Variants in CNTNAP2 observed in about 807,000 individuals in gnomAD.
The protein encoded by CNTNAP2 is contactin associated protein 2.
A neutral mutation model predicts 155.2 loss-of-function variants in CNTNAP2; 98 were observed. That is an observed-to-expected ratio of 0.63 (90% CI 0.54 to 0.75). The LOEUF (loss-of-function observed/expected upper bound fraction) is 0.75. Among genes scored for constraint, CNTNAP2 ranks in the 30% least tolerant of loss-of-function variants. The pLI is 0.00. For missense variants in CNTNAP2, 1,727 were observed against 1,688.1 expected (o/e 1.02, Z -0.40); for synonymous variants, 651 against 631.2 (o/e 1.03, Z -0.47).
intron 1 of CNTNAP2, among the ~76,000 whole-genome samples, chr7:146,716,459 A>T (rs79951131): frequency 0.023 from 3,470 of 152,268 alleles, 147 homozygotes; most frequent in African/African-American, 0.079. Flanking sequence ...AATTGTCCCC[A>T]AAGTGTTTCT....
chr7:148,018,804 A>G (rs4726909), intron 15 of CNTNAP2, among the ~76,000 whole-genome samples: 57,986 of 152,132 alleles, frequency 0.38, 11,804 homozygotes, highest in African/African-American at 0.54. Flanking sequence ...GCATCAAACA[A>G]TGTCACAGGC....
chr7:147,384,402 T>C (rs1796593454), intron 9 of CNTNAP2, among the ~76,000 whole-genome samples: 1 of 152,100 alleles, frequency 6.6e-6, no homozygotes, highest in Admixed American at 6.6e-5. Context: ...ATTTTTAGGG[T>C]TAGGGATCTC....
chr7:147,288,125 CTTG>C (rs909003900), intron 8 of CNTNAP2, among the ~76,000 whole-genome samples: 6 of 152,182 alleles, frequency 3.9e-5, no homozygotes, highest in African/African-American at 1.2e-4. Context: ...TGGCTGACCT[CTTG>C]TTGTCCTTCA....
At chr7:146,970,084 A>T (rs1345261600) in intron 3 of CNTNAP2, among the ~76,000 whole-genome samples, 2 of 152,104 alleles carry the variant, frequency 1.3e-5, no homozygotes, top group Non-Finnish European at 2.9e-5. Context: ...GACTTAAACA[A>T]TAGACCTAAA....
intron 1 of CNTNAP2, among the ~76,000 whole-genome samples, chr7:146,767,569 G>A (rs1802219381): frequency 6.6e-6 from 1 of 152,088 alleles, no homozygotes; most frequent in Admixed American, 6.6e-5. Context: ...ATTTTCAATA[G>A]CAAAGAGTAG....
chr7:147,500,188 T>A (rs1359208817), intron 11 of CNTNAP2, among the ~76,000 whole-genome samples: 1 of 152,134 alleles, frequency 6.6e-6, no homozygotes, highest in Non-Finnish European at 1.5e-5. Flanking sequence ...CACTGACATT[T>A]ACTCTTTTAT....
intron 3 of CNTNAP2, among the ~76,000 whole-genome samples, chr7:146,993,121 C>T (rs1026314314): frequency 2.2e-4 from 33 of 152,066 alleles, no homozygotes; most frequent in Non-Finnish European, 1.3e-4. Context: ...AAAGCTTTAG[C>T]GAAGGAATGA....
chr7:147,003,263 G>C (rs1200677192), intron 3 of CNTNAP2, among the ~76,000 whole-genome samples: 1 of 151,840 alleles, frequency 6.6e-6, no homozygotes, highest in African/African-American at 2.4e-5. Flanking sequence ...ATTGCAAGTA[G>C]ATTACATTAT....
In CNTNAP2 at chr7:146,636,423, C is replaced by T. The variant is rs147138452; in HGVS notation, c.98-137848C>T. Among the ~76,000 whole-genome samples, 4 of 152,098 alleles carry T rather than the reference C, an allele frequency of 2.6e-5. No individual in the cohort carries two copies. The East Asian group carries it at 7.7e-4, about 29-fold the overall frequency. ...TCAGGAGGTGTTACTAGAAAAAAAG[C>T]CCAGTTTCTCCTTATCTAAAAAAAT... is the stretch of plus-strand genomic sequence containing the variant. On this transcript the variant is annotated intron_variant, in intron 1 of 23. Coordinates refer to ENST00000361727, the MANE Select transcript of CNTNAP2 (RefSeq NM_014141.6).
intron 11 of CNTNAP2, among the ~76,000 whole-genome samples, chr7:147,521,506 A>C (rs971201962): frequency 5.3e-5 from 8 of 152,210 alleles, no homozygotes; most frequent in African/African-American, 1.9e-4. Context: ...ATTCCGTGGA[A>C]GTCTCCCCTG....
intron 13 of CNTNAP2, among the ~76,000 whole-genome samples, chr7:147,780,525 T>G (rs973590716): frequency 2.0e-5 from 3 of 152,190 alleles, no homozygotes; most frequent in Non-Finnish European, 4.4e-5. Context: ...AAGTTTCCCA[T>G]CTGCTGGTCC....
At chr7:147,594,120 T>G (rs1474428574) in intron 12 of CNTNAP2, among the ~76,000 whole-genome samples, 1 of 131,800 alleles carries the variant, frequency 7.6e-6, no homozygotes, top group Non-Finnish European at 1.6e-5. Flanking sequence ...CACCCTCTGG[T>G]GTCTCTTTTT....
At chr7:147,801,936 G>A (rs1352620463) in intron 13 of CNTNAP2, among the ~76,000 whole-genome samples, 11 of 149,380 alleles carry the variant, frequency 7.4e-5, no homozygotes, top group Non-Finnish European at 1.2e-4. Flanking sequence ...TGGACGGGGC[G>A]GCTGGCCGGG....
At chr7:147,317,516 A>G (rs1795253477) in intron 9 of CNTNAP2, among the ~76,000 whole-genome samples, 1 of 152,192 alleles carries the variant, frequency 6.6e-6, no homozygotes, top group Non-Finnish European at 1.5e-5. Context: ...CCTTTGTCAC[A>G]GGGATCCTAC....
intron 11 of CNTNAP2, among the ~76,000 whole-genome samples, chr7:147,546,510 C>T (rs1799736465): frequency 6.6e-6 from 1 of 152,130 alleles, no homozygotes; most frequent in South Asian, 2.1e-4. Context: ...ATGCCCACAA[C>T]TAAGACCGTT....
At chr7:148,078,696 G>T (rs899800745) in intron 15 of CNTNAP2, among the ~76,000 whole-genome samples, 2 of 152,064 alleles carry the variant, frequency 1.3e-5, no homozygotes, top group South Asian at 2.1e-4. Context: ...GTCCAGGCTG[G>T]TCTCTAACCC....
chr7:147,099,501 C>T (rs1271779360), intron 4 of CNTNAP2, among the ~76,000 whole-genome samples: 2 of 152,042 alleles, frequency 1.3e-5, no homozygotes, highest in Admixed American at 6.6e-5. Context: ...TACCAGCCTC[C>T]GTTTACTCAT....
At chr7:146,668,537 C>T (rs889760740) in intron 1 of CNTNAP2, among the ~76,000 whole-genome samples, 6 of 151,704 alleles carry the variant, frequency 4.0e-5, no homozygotes, top group East Asian at 1.9e-4. Context: ...AGAATTCCCT[C>T]GGCTTCAATT....
chr7:147,023,855 A>G (rs1459220205), intron 3 of CNTNAP2, among the ~76,000 whole-genome samples: 1 of 152,168 alleles, frequency 6.6e-6, no homozygotes, highest in African/African-American at 2.4e-5. Flanking sequence ...TTAAAAGACT[A>G]TTATTCCCAC....
Sources: gnomAD v4.1 joint callset for allele counts (sites outside exome capture counted in the v4.1 genomes callset) on GRCh38, gnomAD v4.1.1 for gene constraint, MANE v1.5 for transcripts, NCBI Gene and HGNC (gene_info 2026-07-23, HGNC 2026-07-21) for gene names.